Variants in SLC45A4 observed in about 807,000 individuals in gnomAD.
SLC45A4 encodes the protein solute carrier family 45 member 4, also known as polyamine-transporter SLC45A4.
In SLC45A4, 32 loss-of-function variants were observed where a neutral mutation model predicts 63.7. The observed-to-expected ratio is 0.50, with a 90% confidence interval of 0.38 to 0.67. The LOEUF (loss-of-function observed/expected upper bound fraction) is 0.67, where lower values mean the gene tolerates loss of function less well. Ranked by LOEUF, SLC45A4 falls within the 30% of genes least tolerant of loss-of-function variation. The pLI is 0.00. For synonymous variants in SLC45A4, 535 were observed against 510.0 expected (o/e 1.05, Z -0.66); for missense variants, 1,027 against 1,157.7 (o/e 0.89, Z 1.64).
rs890132438 is a variant in SLC45A4, at chr8:141,256,639, A to G, written c.-400-2010T>C. ...CTTCTTTCACGCTGCAGCGGAAACC[A>G]GAATGCCTACTAATTCCTTAAGAAC... On this transcript the variant is annotated intron_variant, in intron 1 of 8. Transcript: ENST00000517878. This position sits in a 1 kb window ranked among gnomAD's most constrained non-coding sequence, Gnocchi z 4.3. 7 of 456,192 alleles carry G rather than the reference A, an allele frequency of 1.5e-5. No homozygotes were observed. Among genetic ancestry groups the G allele is most frequent in the Non-Finnish European group, 3.1e-5 (7 of 226,976 alleles). 28.3% of individuals were successfully genotyped at this position (456,192 alleles called of 1,614,324 possible).
chr8:141,299,662 C>A (rs1213214165), intron 1 of SLC45A4, among the ~76,000 whole-genome samples: 1 of 152,210 alleles, frequency 6.6e-6, no homozygotes, highest in Non-Finnish European at 1.5e-5. Context: ...ACGAAAAAAA[C>A]CACTAGCAGT....
chr8:141,228,854 G>A (rs1455984860), intron 2 of SLC45A4, among the ~76,000 whole-genome samples: 1 of 152,116 alleles, frequency 6.6e-6, no homozygotes, highest in Admixed American at 6.5e-5. Context: ...ATCTCTGGAT[G>A]TGCCGCTTCA....
chr8:141,295,900 G>A (rs1259957647), intron 1 of SLC45A4, among the ~76,000 whole-genome samples: 1 of 152,244 alleles, frequency 6.6e-6, no homozygotes, highest in Non-Finnish European at 1.5e-5. Flanking sequence ...CTTTGGTGCT[G>A]GAGCCCTTGC....
chr8:141,277,639 T>C (rs4961350), intron 1 of SLC45A4, among the ~76,000 whole-genome samples: 1 of 151,436 alleles, frequency 6.6e-6, no homozygotes, highest in Non-Finnish European at 1.5e-5. Context: ...TTGTGTTATC[T>C]TTAAACATTT....
intron 2 of SLC45A4, among the ~76,000 whole-genome samples, chr8:141,222,011 G>A (rs1356616320): frequency 6.6e-6 from 1 of 152,258 alleles, no homozygotes; most frequent in Non-Finnish European, 1.5e-5. Context: ...GAGTGCCAGT[G>A]GGCTCCACCT....
Position 141,282,881 on chromosome 8 carries a change from C to T in SLC45A4, c.-401+25215G>A, listed in dbSNP as rs550238140. 1.4e-4 allele frequency among the ~76,000 whole-genome samples: 21 copies of T among 152,354 alleles called. No individual in the cohort carries two copies. The South Asian group carries it at 1.7e-3, about 12-fold the overall frequency. ...GGTGCCCAGAAGTGGGGCTGGCTGG[C>T]ACGTGAGTCAGAGATGCAGGGCAGG... On this transcript the variant is annotated intron_variant, in intron 1 of 8. Transcript: ENST00000517878.
At chr8:141,297,321 G>A (rs867890421) in intron 1 of SLC45A4, among the ~76,000 whole-genome samples, 2 of 152,184 alleles carry the variant, frequency 1.3e-5, no homozygotes, top group African/African-American at 4.8e-5. Flanking sequence ...GATGCTGGCG[G>A]GGGAGGTAGG....
chr8:141,275,801 T>C (rs997791577), intron 1 of SLC45A4, among the ~76,000 whole-genome samples: 1 of 152,180 alleles, frequency 6.6e-6, no homozygotes, highest in Non-Finnish European at 1.5e-5. Context: ...TTTAAGCAGG[T>C]TAAAACTACA....
intron 1 of SLC45A4, among the ~76,000 whole-genome samples, chr8:141,291,025 T>A (rs1047500780): frequency 1.3e-5 from 2 of 152,156 alleles, no homozygotes; most frequent in Non-Finnish European, 2.9e-5. Context: ...ATTTTTGTAT[T>A]TTTAGTAGAG....
At chr8:141,235,840 G>T (rs957757139) in intron 2 of SLC45A4, among the ~76,000 whole-genome samples, 1 of 152,172 alleles carries the variant, frequency 6.6e-6, no homozygotes, top group Admixed American at 6.5e-5. Flanking sequence ...GGTGGCTCAC[G>T]CCTGTAATCT....
chr8:141,212,698 C>A, intron 7 of SLC45A4, 142 bp from the exon 8 acceptor site: 1 of 984,330 alleles, frequency 1.0e-6, no homozygotes. Context: ...CCTGCCTGAG[C>A]ACCCTCAATC....
intron 2 of SLC45A4, among the ~76,000 whole-genome samples, chr8:141,253,729 T>G (rs1828634585): frequency 6.6e-6 from 1 of 152,184 alleles, no homozygotes; most frequent in Non-Finnish European, 1.5e-5. Context: ...TCAGTGCCAA[T>G]TCTGCCCCAG....
At position 141,212,475 on chromosome 8, in the gene SLC45A4, G is replaced by C; in HGVS notation, c.2023C>G (p.Gln675Glu). 1 of 1,613,916 alleles carries C rather than the reference G, an allele frequency of 6.2e-7. No individual in the cohort carries two copies. Among genetic ancestry groups the C allele is most frequent in the South Asian group, 1.1e-5 (1 of 91,084 alleles). The change falls in exon 8 of 9, where the codon CAG becomes GAG. Residue 675 changes from glutamine (Q) to glutamate (E), a missense_variant. Physicochemically the swap from Gln to Glu is conservative, Grantham distance 29. Coordinates refer to ENST00000517878, the MANE Select transcript of SLC45A4 (RefSeq NM_001286646.2). ...AILSCQVYIS[Q>E]ILVASALGGV... is the part of the protein sequence containing the mutation. ...CCAAGGGCAGAGGCCACCAGGATCT[G>C]CGAGATGTACACTTGGCAGGACAGG...
In SLC45A4 at chr8:141,208,573, G is replaced by C. The variant is rs1825641983; in HGVS notation, c.*2999C>G. The stretch of plus-strand genomic sequence containing the variant: ...CAGGGGCCTGAGGCTTTCAAGGGCA[G>C]GTGTCCAAGAGGCAGCACACAGCAC... On this transcript the variant is annotated 3_prime_UTR_variant, in exon 9 of 9. Coordinates refer to ENST00000517878, the MANE Select transcript of SLC45A4 (RefSeq NM_001286646.2). 6.6e-6 allele frequency: 1 copy of C among 152,516 alleles called. No individual in the cohort carries two copies. The highest frequency in any genetic ancestry group is 1.5e-5 in the Non-Finnish European group (1 of 68,260). The allele number at this position is 152,516 out of a possible 1,614,324, so 9.4% of individuals were successfully genotyped here.
In SLC45A4 at chr8:141,254,530, T is replaced by G. The variant is rs1406233565; in HGVS notation, c.-301A>C. ...CAGTTAATACCAGTTTCATCATTAT[T>G]ACTGAAGAGGTGCTGAAGTGATTTT... is the stretch of plus-strand genomic sequence containing the variant. On this transcript the variant is annotated 5_prime_UTR_variant, in exon 2 of 9. Transcript: ENST00000517878. This position sits in a 1 kb window ranked among gnomAD's most constrained non-coding sequence, Gnocchi z 4.5. 8 of 701,918 alleles carry G rather than the reference T, an allele frequency of 1.1e-5. No homozygotes were observed. Among genetic ancestry groups the G allele is most frequent in the Admixed American group, 4.0e-5 (2 of 49,974 alleles). The allele number at this position is 701,918 out of a possible 1,614,324, so 43.5% of individuals were successfully genotyped here.
intron 1 of SLC45A4, among the ~76,000 whole-genome samples, chr8:141,262,820 T>C (rs1314282122): frequency 5.9e-4 from 88 of 149,852 alleles, no homozygotes; most frequent in Non-Finnish European, 1.1e-3. Context: ...TCCTCAGGGA[T>C]CTAGAACTAG....
At chr8:141,226,608 G>C (rs536603851) in intron 2 of SLC45A4, 6 of 152,550 alleles carry the variant, frequency 3.9e-5, no homozygotes, top group Non-Finnish European at 7.3e-5. Flanking sequence ...GGCTTCCCTC[G>C]GGAGTGGTCA....
At chr8:141,304,362 C>T (rs1344288433) in intron 1 of SLC45A4, among the ~76,000 whole-genome samples, 1 of 152,064 alleles carries the variant, frequency 6.6e-6, no homozygotes, top group Non-Finnish European at 1.5e-5. Context: ...AGTTCAAGAC[C>T]AGCCTGGCCA....
chr8:141,282,274 C>T (rs1035278067), intron 1 of SLC45A4, among the ~76,000 whole-genome samples: 14 of 152,210 alleles, frequency 9.2e-5, no homozygotes, highest in African/African-American at 3.1e-4. Flanking sequence ...TGAGCAGAGC[C>T]GACCTGACAC....
Sources: allele counts gnomAD v4.1 joint callset (sites outside exome capture counted in the v4.1 genomes callset), GRCh38; gene constraint gnomAD v4.1.1; non-coding constraint Gnocchi (gnomAD v3.1); transcripts MANE v1.5; gene names NCBI Gene and HGNC (gene_info 2026-07-23, HGNC 2026-07-21).